The following AGBL3 variants were observed in gnomAD, a reference collection of about 807,000 sequenced individuals.
AGBL3 encodes AGBL carboxypeptidase 3.
Under a neutral mutation model 94.5 loss-of-function variants are expected in AGBL3, and 68 were observed. The ratio of observed to expected loss-of-function variants is 0.72; its 90% CI spans 0.59 to 0.88. The LOEUF (loss-of-function observed/expected upper bound fraction) is 0.88, where lower values mean the gene tolerates loss of function less well. AGBL3 is among the 40% of genes least tolerant of loss of function. AGBL3 has a pLI of 0.00. For missense variants in AGBL3, 934 were observed against 1,103.8 expected, an observed-to-expected ratio of 0.85 and a Z score of 2.18; for synonymous variants, 354 against 370.7, an observed-to-expected ratio of 0.95 and a Z score of 0.52.
chr7:135,128,326 A>T (rs566361809), intron 16 of AGBL3: 11 of 255,212 alleles, frequency 4.3e-5, no homozygotes, highest in African/African-American at 2.1e-4. Context: ...AAAACGAAAA[A>T]AAAAAACAAA....
At chr7:135,015,581 C>G (rs1813675881) in intron 4 of AGBL3, among the ~76,000 whole-genome samples, 1 of 67,118 alleles carries the variant, frequency 1.5e-5, no homozygotes, top group Non-Finnish European at 3.5e-5. Flanking sequence ...CGCTTATATA[C>G]AAGTTCTTTC....
intron 11 of AGBL3, among the ~76,000 whole-genome samples, chr7:135,047,901 G>C (rs1018399607): frequency 2.0e-5 from 3 of 151,840 alleles, no homozygotes; most frequent in South Asian, 2.1e-4. Context: ...TTTTGGGTTT[G>C]TTGCCTATGC....
At chr7:135,081,517 T>C (rs148926708) in intron 14 of AGBL3, among the ~76,000 whole-genome samples, 1 of 152,270 alleles carries the variant, frequency 6.6e-6, no homozygotes, top group East Asian at 1.9e-4. Context: ...AGAAAAGGAA[T>C]TGCTGGCCCA....
chr7:135,113,291 T>C (rs781012816), intron 15 of AGBL3, among the ~76,000 whole-genome samples: 83 of 152,298 alleles, frequency 5.4e-4, no homozygotes, highest in Non-Finnish European at 9.3e-4. Context: ...TTTTCAAACA[T>C]AAACAAAAGT....
At chr7:135,085,263 T>C (rs902556418) in intron 15 of AGBL3, among the ~76,000 whole-genome samples, 16 of 152,172 alleles carry the variant, frequency 1.1e-4, no homozygotes, top group Non-Finnish European at 2.2e-4. Flanking sequence ...CCTTGTCAGA[T>C]AGTTTGCAAA....
At chr7:135,108,521 T>C (rs767062396) in intron 15 of AGBL3, among the ~76,000 whole-genome samples, 9 of 152,204 alleles carry the variant, frequency 5.9e-5, no homozygotes, top group Non-Finnish European at 8.8e-5. Context: ...TTTAAGAATA[T>C]TGAATATAGG....
At chr7:135,023,178 T>C (rs1814700915) in intron 5 of AGBL3, among the ~76,000 whole-genome samples, 1 of 152,206 alleles carries the variant, frequency 6.6e-6, no homozygotes, top group Admixed American at 6.5e-5. Flanking sequence ...TCATGTGCTA[T>C]AGAAACTCAA....
intron 16 of AGBL3, among the ~76,000 whole-genome samples, chr7:135,121,603 A>G (rs1274728350): frequency 1.3e-5 from 2 of 152,210 alleles, no homozygotes; most frequent in Non-Finnish European, 2.9e-5. Flanking sequence ...ACACTTCTGA[A>G]TAAATCGTGA....
chr7:135,115,704 T>A lies in AGBL3; in HGVS notation c.2342+93T>A, dbSNP rs1159374860. 16 of 1,079,508 alleles carry A rather than the reference T, an allele frequency of 1.5e-5. No homozygotes were observed. The South Asian group carries it at 1.8e-4, about 12-fold the overall frequency. 66.9% of individuals were successfully genotyped at this position (1,079,508 alleles called of 1,614,324 possible). The stretch of plus-strand genomic sequence containing the variant: ...AATTTATTATCCTACGAAAAAAAAA[T>A]CTGCTCTTGAAAATGATGTCAGCTC... On this transcript the variant is annotated intron_variant, in intron 16 of 16. Transcript: ENST00000436302.
chr7:135,059,067 A>G, intron 11 of AGBL3, 102 bp from the exon 12 acceptor site: 1 of 959,260 alleles, frequency 1.0e-6, no homozygotes, highest in Middle Eastern at 2.2e-4. Context: ...ACTTCTTATA[A>G]TTAGAACTTT....
chr7:134,998,058 G>C (rs1413614272), intron 4 of AGBL3, among the ~76,000 whole-genome samples: 2 of 152,048 alleles, frequency 1.3e-5, no homozygotes, highest in Non-Finnish European at 2.9e-5. Context: ...CAATACATTT[G>C]ATCATCATCA....
intron 16 of AGBL3, among the ~76,000 whole-genome samples, chr7:135,129,838 G>A (rs1735181534): frequency 6.6e-6 from 1 of 152,216 alleles, no homozygotes; most frequent in African/African-American, 2.4e-5. Flanking sequence ...ATATTTTCAT[G>A]TGGTACTACT....
chr7:134,997,028 A>G (rs1420507124), intron 4 of AGBL3, among the ~76,000 whole-genome samples: 1 of 152,178 alleles, frequency 6.6e-6, no homozygotes, highest in Non-Finnish European at 1.5e-5. Context: ...GTGGTCCCCA[A>G]ACTTTTCGGC....
intron 16 of AGBL3, among the ~76,000 whole-genome samples, chr7:135,128,184 C>T (rs1266951076): frequency 2.0e-5 from 3 of 147,616 alleles, no homozygotes; most frequent in Admixed American, 6.9e-5. Flanking sequence ...CCCAGCTACT[C>T]GGGAGGCTGC....
intron 15 of AGBL3, among the ~76,000 whole-genome samples, chr7:135,084,394 T>A (rs898790654): frequency 9.9e-5 from 15 of 152,168 alleles, no homozygotes; most frequent in Non-Finnish European, 8.8e-5. Context: ...CAATAAATTG[T>A]TAATTATACT....
intron 4 of AGBL3, among the ~76,000 whole-genome samples, chr7:135,006,241 C>T (rs1347325372): frequency 6.6e-6 from 1 of 151,658 alleles, no homozygotes; most frequent in Non-Finnish European, 1.5e-5. Flanking sequence ...AAAAAGCTTT[C>T]CCAGAAATTC....
At chr7:135,057,017 A>G (rs945282957) in intron 11 of AGBL3, among the ~76,000 whole-genome samples, 2 of 152,188 alleles carry the variant, frequency 1.3e-5, no homozygotes, top group Non-Finnish European at 2.9e-5. Context: ...ACAGTGCAGT[A>G]CTAGAGAAAG....
intron 11 of AGBL3, among the ~76,000 whole-genome samples, chr7:135,049,625 T>C (rs1817693144): frequency 6.6e-6 from 1 of 151,968 alleles, no homozygotes; most frequent in Non-Finnish European, 1.5e-5. Flanking sequence ...TTTCTATTTA[T>C]CCAAAATTTA....
intron 3 of AGBL3, 113 bp downstream of exon 3, chr7:134,989,423 A>T: frequency 1.4e-6 from 1 of 715,776 alleles, no homozygotes; most frequent in Non-Finnish European, 2.2e-6. Flanking sequence ...TTATTCTAGT[A>T]GATTGTGAAA....
Sources: allele counts gnomAD v4.1 joint callset (sites outside exome capture counted in the v4.1 genomes callset), GRCh38; gene constraint gnomAD v4.1.1; transcripts MANE v1.5; gene names NCBI Gene and HGNC (gene_info 2026-07-23, HGNC 2026-07-21).